RHPN2: variants seen among roughly 807,000 people sequenced by gnomAD.
RHPN2 encodes rhophilin Rho GTPase binding protein 2, also known as rhophilin-2.
A neutral mutation model predicts 79.0 loss-of-function variants in RHPN2; 40 were observed. That is an observed-to-expected ratio of 0.51 (90% CI 0.39 to 0.66). The LOEUF (loss-of-function observed/expected upper bound fraction) is 0.66, where lower values mean the gene tolerates loss of function less well. Ranked by LOEUF, RHPN2 falls within the 30% of genes least tolerant of loss-of-function variation. The pLI, the probability that RHPN2 is intolerant of heterozygous loss-of-function variation, is 0.00. For missense variants in RHPN2, 686 were observed against 883.5 expected (o/e 0.78, Z 2.83); for synonymous variants, 285 against 363.5 (o/e 0.78, Z 2.46).
chr19:33,005,580 ACTGGTTCCT>A (rs1431067627), intron 7 of RHPN2, among the ~76,000 whole-genome samples: 1 of 137,316 alleles, frequency 7.3e-6, no homozygotes, highest in African/African-American at 2.8e-5. Context: ...ATCCCATCCA[ACTGGTTCCT>A]CTGGTTTTGT....
chr19:33,001,385 T>A (rs889982878), intron 9 of RHPN2, among the ~76,000 whole-genome samples: 8 of 151,902 alleles, frequency 5.3e-5, no homozygotes, highest in South Asian at 2.1e-4. Flanking sequence ...AAAAAAAAAT[T>A]TTTTTTAATT....
intron 14 of RHPN2, among the ~76,000 whole-genome samples, chr19:32,981,416 A>AG (rs1311728566): frequency 3.8e-4 from 6 of 15,898 alleles, no homozygotes; most frequent in East Asian, 0.053. Flanking sequence ...AATAAAAAAA[A>AG]AGGGGGGGGG....
chr19:33,011,620 G>A (rs1490127810), intron 6 of RHPN2, 59 bp downstream of exon 6: 1 of 1,612,508 alleles, frequency 6.2e-7, no homozygotes, highest in Non-Finnish European at 8.5e-7. Context: ...TGATGCTGAG[G>A]CTCCAAAATT....
chr19:33,044,131 G>T, intron 2 of RHPN2, 118 bp downstream of exon 2: 1 of 706,608 alleles, frequency 1.4e-6, no homozygotes, highest in Non-Finnish European at 2.6e-6. Context: ...AGAAAGGGAC[G>T]ACTCCAGATG....
intron 4 of RHPN2, among the ~76,000 whole-genome samples, chr19:33,020,206 G>T (rs1367559518): frequency 2.6e-5 from 4 of 152,124 alleles, no homozygotes; most frequent in African/African-American, 9.7e-5. Flanking sequence ...AATGTGGCTG[G>T]GGGACACACA....
At chr19:33,043,384 C>G (rs1222301586) in intron 2 of RHPN2, among the ~76,000 whole-genome samples, 1 of 151,342 alleles carries the variant, frequency 6.6e-6, no homozygotes, top group Non-Finnish European at 1.5e-5. Context: ...AACCCCGTCT[C>G]TACTAAAAAG....
chr19:32,984,101 T>C (rs1327749142), intron 14 of RHPN2, among the ~76,000 whole-genome samples: 4 of 152,184 alleles, frequency 2.6e-5, no homozygotes, highest in African/African-American at 9.6e-5. Context: ...TGCTGAAGGT[T>C]ACACAGCTTG....
chr19:33,059,545 C>T (rs1261476730), intron 1 of RHPN2, among the ~76,000 whole-genome samples: 1 of 152,098 alleles, frequency 6.6e-6, no homozygotes, highest in Non-Finnish European at 1.5e-5. Context: ...GGTGATCCGC[C>T]TGCCTCGGCC....
At chr19:33,041,280 A>C (rs1972098161) in intron 2 of RHPN2, among the ~76,000 whole-genome samples, 1 of 152,172 alleles carries the variant, frequency 6.6e-6, no homozygotes, top group African/African-American at 2.4e-5. Context: ...GAAGGAAAGC[A>C]GGGCCTAATT....
chr19:33,063,822 G>T (rs1311119160), intron 1 of RHPN2, among the ~76,000 whole-genome samples: 1 of 84,400 alleles, frequency 1.2e-5, no homozygotes, highest in Non-Finnish European at 2.4e-5. Context: ...GCCGCCCGCC[G>T]CCCGCCGCCC....
At chr19:32,986,665 C>A (rs915000307) in intron 14 of RHPN2, among the ~76,000 whole-genome samples, 17 of 151,496 alleles carry the variant, frequency 1.1e-4, no homozygotes, top group Non-Finnish European at 2.1e-4. Context: ...ATAGTGGTGC[C>A]CACCTATAAT....
chr19:33,046,369 G>A (rs1972142949), intron 1 of RHPN2, among the ~76,000 whole-genome samples: 1 of 152,016 alleles, frequency 6.6e-6, no homozygotes, highest in Non-Finnish European at 1.5e-5. Flanking sequence ...AGGTTCGAAC[G>A]ATTCTCCTGC....
chr19:32,983,250 C>A (rs147610095), intron 14 of RHPN2, among the ~76,000 whole-genome samples: 2,443 of 152,116 alleles, frequency 0.016, 198 homozygotes, highest in Admixed American at 0.14. Context: ...TGGTGGCTCA[C>A]GCCTGTAATC....
At chr19:32,994,390 C>T (rs888464656) in intron 11 of RHPN2, among the ~76,000 whole-genome samples, 33 of 111,912 alleles carry the variant, frequency 2.9e-4, no homozygotes, top group South Asian at 3.3e-4. Flanking sequence ...AGTCAGACTC[C>T]GGGGGGAAAA....
At chr19:33,061,380 T>C (rs1182030057) in intron 1 of RHPN2, among the ~76,000 whole-genome samples, 2 of 151,586 alleles carry the variant, frequency 1.3e-5, no homozygotes, top group Non-Finnish European at 2.9e-5. Flanking sequence ...TAATTTTTTG[T>C]ATTTTTAGTA....
chr19:33,013,438 A>C (rs998136539), intron 4 of RHPN2, among the ~76,000 whole-genome samples: 2 of 150,174 alleles, frequency 1.3e-5, no homozygotes, highest in African/African-American at 4.9e-5. Flanking sequence ...CAAGCAATCC[A>C]TCTGCCTCAG....
intron 14 of RHPN2, among the ~76,000 whole-genome samples, chr19:32,981,814 C>T (rs3991886): frequency 8.4e-6 from 1 of 118,612 alleles, no homozygotes; most frequent in Non-Finnish European, 1.8e-5. Context: ...ACATTCACAT[C>T]ATTATGCTCC....
intron 3 of RHPN2, among the ~76,000 whole-genome samples, chr19:33,024,209 G>A (rs1329056860): frequency 6.6e-6 from 1 of 152,042 alleles, no homozygotes; most frequent in East Asian, 1.9e-4. Flanking sequence ...TGAGGTGGGT[G>A]GATCACGAGG....
chr19:32,990,149 G>GAAAGAAAGAAAC (rs1971644764), intron 14 of RHPN2, among the ~76,000 whole-genome samples: 2 of 151,190 alleles, frequency 1.3e-5, no homozygotes, highest in Non-Finnish European at 2.9e-5. Context: ...AAGAAAGAAA[G>GAAAGAAAGAAAC]AAAGAAAGAA....
Sources: gnomAD v4.1 joint callset for allele counts (sites outside exome capture counted in the v4.1 genomes callset) on GRCh38, gnomAD v4.1.1 for gene constraint, MANE v1.5 for transcripts, NCBI Gene and HGNC (gene_info 2026-07-23, HGNC 2026-07-21) for gene names.